Variants in GPHN observed in about 807,000 individuals in gnomAD.
GPHN encodes gephyrin.
A neutral mutation model predicts 95.5 loss-of-function variants in GPHN; 17 were observed. That is an observed-to-expected ratio of 0.18 (90% confidence interval 0.12 to 0.27). The LOEUF (loss-of-function observed/expected upper bound fraction) is 0.27, where lower values mean the gene tolerates loss of function less well. Among genes scored for constraint, GPHN ranks in the 10% least tolerant of loss-of-function variants. GPHN has a pLI of 1.00. For missense variants in GPHN, 660 were observed against 978.1 expected (o/e 0.67, Z 4.34); for synonymous variants, 320 against 322.5 (o/e 0.99, Z 0.08).
the GPHN span, among the ~76,000 whole-genome samples, chr14:67,382,169 A>G: frequency 2.0e-5 from 3 of 152,044 alleles, no homozygotes; most frequent in East Asian, 1.9e-4. Context: ...TTAGCCACCA[A>G]AGATACACGG....
chr14:67,112,958 CTGAGT>C, intron 15 of GPHN, 55 bp from the exon 16 acceptor site: 1 of 1,523,652 alleles, frequency 6.6e-7, no homozygotes, highest in Non-Finnish European at 9.1e-7. Flanking sequence ...AAGTTTCCCT[CTGAGT>C]TGAGAAAATG....
chr14:66,885,519 T>C (rs1426129683), intron 5 of GPHN, among the ~76,000 whole-genome samples: 1 of 152,104 alleles, frequency 6.6e-6, no homozygotes, highest in Non-Finnish European at 1.5e-5. Context: ...ATATTGGGGA[T>C]CCAGGTTCTA....
chr14:67,733,714 C>A, the GPHN span: 1 of 1,438,164 alleles, frequency 7.0e-7, no homozygotes, highest in Non-Finnish European at 9.8e-7. Flanking sequence ...AATTCTCATT[C>A]CTGGAATTTA....
the GPHN span, among the ~76,000 whole-genome samples, chr14:67,309,216 G>C: frequency 6.6e-6 from 1 of 151,974 alleles, no homozygotes; most frequent in Admixed American, 6.5e-5. Flanking sequence ...GGCTTTTTTT[G>C]TTGTATGAGA....
Position 67,089,073 on chromosome 14 carries a change from G to A in GPHN, c.1235G>A (p.Arg412Gln). 1 of 1,502,954 alleles carries A rather than the reference G, an allele frequency of 6.7e-7. No homozygotes were observed. The highest frequency in any genetic ancestry group is 9.3e-7 in the Non-Finnish European group (1 of 1,080,222). The allele number at this position is 1,502,954 out of a possible 1,614,324, so 93.1% of individuals were successfully genotyped here. Residue 412 changes from arginine (R) to glutamine (Q), a missense_variant and splice_region_variant, in exon 12 of 23, where the codon CGA (arginine) becomes CAA (glutamine). Physicochemically the swap from Arg to Gln is conservative, Grantham distance 43. Transcript: ENST00000478722. ...TCAGTAAAAGATGGCTATGCTGTCC[G>A]AGGTAAATATTTTGGTTTTCTTAAA... ...PASVKDGYAV[R>Q]AADGPGDRFI... is the part of the protein sequence containing the mutation.
At chr14:67,580,198 C>G in the GPHN span, 77 of 246,030 alleles carry the variant, frequency 3.1e-4, 1 homozygote, top group East Asian at 7.6e-3. Context: ...CTACACGTGC[C>G]CACTCAGAGG....
chr14:67,100,021 C>T (rs1447726788), intron 12 of GPHN, among the ~76,000 whole-genome samples: 1 of 151,960 alleles, frequency 6.6e-6, no homozygotes, highest in Non-Finnish European at 1.5e-5. Flanking sequence ...AATGTTTCTT[C>T]ATCTAGCCAT....
At chr14:67,702,412 A>G in the GPHN span, among the ~76,000 whole-genome samples, 1 of 152,202 alleles carries the variant, frequency 6.6e-6, no homozygotes, top group Admixed American at 6.5e-5. Flanking sequence ...TCTTAAACCA[A>G]CAATATTAAA....
chr14:66,576,937 G>A (rs1460428364), intron 1 of GPHN, among the ~76,000 whole-genome samples: 1 of 152,090 alleles, frequency 6.6e-6, no homozygotes, highest in Non-Finnish European at 1.5e-5. Context: ...TAAGGGTCAT[G>A]AATTGCCATG....
chr14:67,426,881 CCA>C, the GPHN span, among the ~76,000 whole-genome samples: 2 of 152,254 alleles, frequency 1.3e-5, no homozygotes, highest in African/African-American at 4.8e-5. Flanking sequence ...GGCCTAATGT[CCA>C]GTTTTAAGAG....
chr14:66,635,242 C>A (rs1163464273), intron 1 of GPHN, among the ~76,000 whole-genome samples: 1 of 152,176 alleles, frequency 6.6e-6, no homozygotes, highest in Non-Finnish European at 1.5e-5. Context: ...AGATGTTACA[C>A]TGCCACATTC....
the GPHN span, among the ~76,000 whole-genome samples, chr14:67,521,184 T>G: frequency 6.6e-6 from 1 of 152,210 alleles, no homozygotes; most frequent in Non-Finnish European, 1.5e-5. Context: ...TAGAGCTGGG[T>G]GACACATCAT....
At chr14:66,743,239 C>T (rs573664433) in intron 2 of GPHN, among the ~76,000 whole-genome samples, 1 of 151,940 alleles carries the variant, frequency 6.6e-6, no homozygotes, top group Admixed American at 6.6e-5. Context: ...TAATCTTCCC[C>T]CCCACTTTAA....
chr14:67,173,793 T>C, intron 21 of GPHN, among the ~76,000 whole-genome samples: 1 of 151,666 alleles, frequency 6.6e-6, no homozygotes, highest in South Asian at 2.1e-4. Context: ...AAAAAATATA[T>C]ACAGACAAGT....
the GPHN span, among the ~76,000 whole-genome samples, chr14:67,215,117 C>A: frequency 6.6e-6 from 1 of 152,104 alleles, no homozygotes; most frequent in Non-Finnish European, 1.5e-5. Context: ...GATTTGAGAA[C>A]CATTTCCTTA....
intron 3 of GPHN, among the ~76,000 whole-genome samples, chr14:66,806,456 ATTTCTTTTCTATTGCAT>A (rs899938057): frequency 1.3e-5 from 2 of 151,898 alleles, no homozygotes; most frequent in Admixed American, 6.6e-5. Flanking sequence ...ATTCTTTTCT[ATTTCTTTTCTATTGCAT>A]TTTCTTTTCT....
chr14:67,303,527 T>C, the GPHN span: 1 of 1,612,110 alleles, frequency 6.2e-7, no homozygotes, highest in South Asian at 1.1e-5. Context: ...TACAGTCTGA[T>C]ATGCATGGTA....
chr14:67,510,428 T>A, the GPHN span, among the ~76,000 whole-genome samples: 1 of 152,148 alleles, frequency 6.6e-6, no homozygotes, highest in South Asian at 2.1e-4. Flanking sequence ...GGGTATCTGA[T>A]CACATCCAAG....
intron 9 of GPHN, among the ~76,000 whole-genome samples, chr14:67,014,263 A>G (rs555661282): frequency 2.6e-5 from 4 of 152,176 alleles, no homozygotes; most frequent in Admixed American, 1.3e-4. Context: ...AGCACTTTAC[A>G]TGTATTCTTA....
Sources: allele counts gnomAD v4.1 joint callset (sites outside exome capture counted in the v4.1 genomes callset), GRCh38; gene constraint gnomAD v4.1.1; transcripts MANE v1.5; gene names NCBI Gene and HGNC (gene_info 2026-07-23, HGNC 2026-07-21).